Variants in ZBBX observed in about 807,000 individuals in gnomAD.
ZBBX encodes the protein zinc finger B-box domain-containing protein 1.
In ZBBX, 101 loss-of-function variants were observed where a neutral mutation model predicts 108.5. That is an observed-to-expected ratio of 0.93 (90% CI 0.79 to 1.10). The LOEUF (loss-of-function observed/expected upper bound fraction) is 1.10. Among genes scored for constraint, ZBBX ranks in the 50% least tolerant of loss-of-function variants. The probability of loss-of-function intolerance (pLI) is 0.00; values close to 1 mark genes in which losing one functional copy is unlikely to be tolerated. For missense variants in ZBBX, 1,009 were observed against 941.4 expected (o/e 1.07, Z -0.94); for synonymous variants, 356 against 323.4 (o/e 1.10, Z -1.08).
At chr3:167,288,750 T>C in intron 19 of ZBBX, 117 bp downstream of exon 19, 1 of 493,832 alleles carries the variant, frequency 2.0e-6, no homozygotes, top group Non-Finnish European at 3.4e-6. Flanking sequence ...AATGAATGAA[T>C]TTAAATTACA....
chr3:167,288,075 A>C (rs1360181303), intron 19 of ZBBX, among the ~76,000 whole-genome samples: 1 of 152,070 alleles, frequency 6.6e-6, no homozygotes, highest in East Asian at 1.9e-4. Context: ...TATTACTTAC[A>C]TATCTCTTTT....
chr3:167,375,694 A>G, intron 2 of ZBBX, among the ~76,000 whole-genome samples: 1 of 151,098 alleles, frequency 6.6e-6, no homozygotes, highest in East Asian at 1.9e-4. Context: ...AGGAGCAACT[A>G]TTTTTTTTTC....
chr3:167,312,814 C>G (rs1443224763), intron 16 of ZBBX, among the ~76,000 whole-genome samples: 1 of 152,118 alleles, frequency 6.6e-6, no homozygotes, highest in East Asian at 1.9e-4. Flanking sequence ...TTGAAAATGT[C>G]AAGACCAGCA....
At chr3:167,305,567 T>A (rs957015945) in intron 17 of ZBBX, 76 bp downstream of exon 17, 1 of 1,121,922 alleles carries the variant, frequency 8.9e-7, no homozygotes, top group Admixed American at 3.3e-5. Flanking sequence ...AACTTGAGAA[T>A]GTATTGTGTC....
the ZBBX span, among the ~76,000 whole-genome samples, chr3:167,224,654 A>C: frequency 6.6e-5 from 10 of 152,118 alleles, 1 homozygote; most frequent in Admixed American, 3.3e-4. Context: ...AATCATCATT[A>C]AAATGGTGAG....
At chr3:167,324,932 C>A (rs2108342869) in intron 11 of ZBBX, among the ~76,000 whole-genome samples, 1 of 152,258 alleles carries the variant, frequency 6.6e-6, no homozygotes, top group South Asian at 2.1e-4. Flanking sequence ...GAAATTACAG[C>A]ATCTCAATCT....
rs542477314 is a variant in ZBBX at position 167,300,738 on chromosome 3, T to C, written c.1726-2280A>G. Among the ~76,000 whole-genome samples, 157 of 151,206 alleles carry C rather than the reference T, an allele frequency of 1.0e-3. 1 individual carries two copies. The highest frequency in any genetic ancestry group is 2.4e-3 in the Admixed American group (36 of 15,110). On this transcript the variant is annotated intron_variant, in intron 17 of 21. Transcript: ENST00000675490. ...GATTCTCCTGCCTCAGCCTCCTGAGTAGTTGGGTAGTTGGGATTACAGGCA... is the reference window on the plus strand; with the variant it reads ...GATTCTCCTGCCTCAGCCTCCTGAGCAGTTGGGTAGTTGGGATTACAGGCA...
upstream of ZBBX, among the ~76,000 whole-genome samples, chr3:167,383,866 G>A (rs560566215): frequency 1.3e-5 from 2 of 152,156 alleles, no homozygotes; most frequent in East Asian, 3.9e-4. Flanking sequence ...GTGAGAGTTT[G>A]CAACTAATTA....
chr3:167,327,833 G>C, intron 11 of ZBBX, 109 bp downstream of exon 11: 1 of 1,088,288 alleles, frequency 9.2e-7, no homozygotes, highest in Non-Finnish European at 1.3e-6. Context: ...AGAATTACTT[G>C]AACCCGGAAG....
intron 20 of ZBBX, among the ~76,000 whole-genome samples, chr3:167,277,919 G>A (rs370884860): frequency 1.3e-5 from 2 of 151,370 alleles, no homozygotes; most frequent in Non-Finnish European, 2.9e-5. Context: ...ACAGTGCAAT[G>A]AAACTAGAAC....
At chr3:167,194,853 T>G in the ZBBX span, among the ~76,000 whole-genome samples, 1 of 152,164 alleles carries the variant, frequency 6.6e-6, no homozygotes, top group Non-Finnish European at 1.5e-5. Flanking sequence ...AAGCTCAAGC[T>G]TCAGGCCTTT....
chr3:167,296,458 G>A (rs1159363823), intron 18 of ZBBX, among the ~76,000 whole-genome samples: 3 of 151,932 alleles, frequency 2.0e-5, no homozygotes, highest in Non-Finnish European at 4.4e-5. Context: ...GTTCACAGAT[G>A]GTGTGATCTT....
chr3:167,362,541 T>C (rs1744682169), intron 6 of ZBBX, among the ~76,000 whole-genome samples: 1 of 152,168 alleles, frequency 6.6e-6, no homozygotes, highest in South Asian at 2.1e-4. Flanking sequence ...AATTCTGTAC[T>C]AATTGTCCTT....
intron 9 of ZBBX, among the ~76,000 whole-genome samples, chr3:167,347,907 T>G (rs1267986282): frequency 2.0e-5 from 3 of 152,070 alleles, no homozygotes; most frequent in Non-Finnish European, 4.4e-5. Context: ...TAAATTTATA[T>G]ACATAAAAGA....
At chr3:167,280,405 A>G (rs1350202385) in intron 20 of ZBBX, among the ~76,000 whole-genome samples, 334 of 151,690 alleles carry the variant, frequency 2.2e-3, no homozygotes, top group Non-Finnish European at 2.6e-3. Flanking sequence ...ACAAATTTAC[A>G]AGAAAAAAAC....
chr3:167,271,695 A>C (rs567908155), intron 20 of ZBBX, among the ~76,000 whole-genome samples: 27 of 152,332 alleles, frequency 1.8e-4, no homozygotes, highest in South Asian at 6.2e-4. Context: ...TATGTAAAAA[A>C]AACCCAACAA....
At chr3:167,219,748 A>G in the ZBBX span, among the ~76,000 whole-genome samples, 1 of 151,920 alleles carries the variant, frequency 6.6e-6, no homozygotes, top group Non-Finnish European at 1.5e-5. Context: ...GTAGAAGAAA[A>G]TAAATAATAA....
At chr3:167,403,112 G>T (rs969555169) in intron 1 of ZBBX, among the ~76,000 whole-genome samples, 3 of 152,132 alleles carry the variant, frequency 2.0e-5, no homozygotes, top group African/African-American at 7.2e-5. Flanking sequence ...AATCTCCAAT[G>T]GAGTAAATTT....
At chr3:167,315,728 A>C in intron 15 of ZBBX, 22 bp downstream of exon 15, 1 of 1,578,680 alleles carries the variant, frequency 6.3e-7, no homozygotes, top group South Asian at 1.1e-5. Flanking sequence ...TATGCACACA[A>C]AGTTAATTAG....
Sources: gnomAD v4.1 joint callset for allele counts (sites outside exome capture counted in the v4.1 genomes callset) on GRCh38, gnomAD v4.1.1 for gene constraint, MANE v1.5 for transcripts, NCBI Gene and HGNC (gene_info 2026-07-23, HGNC 2026-07-21) for gene names.